Variants in ZNG1C observed in about 807,000 individuals in gnomAD.
ZNG1C encodes the protein Zn regulated GTPase metalloprotein activator 1C.
At chr9:68,249,117 G>T in the ZNG1C span, 2,696 of 612,166 alleles carry the variant, frequency 4.4e-3, 23 homozygotes, top group Non-Finnish European at 5.9e-3. Context: ...TAATAGAATT[G>T]GAAGTTTTAT....
At chr9:68,284,206 T>TG in the ZNG1C span, among the ~76,000 whole-genome samples, 3 of 149,426 alleles carry the variant, frequency 2.0e-5, no homozygotes, top group African/African-American at 7.4e-5. Flanking sequence ...TTCTCCTACT[T>TG]GGCCTCTCAA....
the ZNG1C span, among the ~76,000 whole-genome samples, chr9:68,276,506 T>C: frequency 6.8e-6 from 1 of 146,650 alleles, no homozygotes; most frequent in Admixed American, 6.9e-5. Flanking sequence ...GGGATCCAGT[T>C]TCAGCTTTCG....
chr9:68,265,010 C>A, the ZNG1C span, among the ~76,000 whole-genome samples: 1 of 104,442 alleles, frequency 9.6e-6, no homozygotes, highest in East Asian at 2.3e-4. Flanking sequence ...CACCCGCCAC[C>A]ATGCCCAGCT....
the ZNG1C span, among the ~76,000 whole-genome samples, chr9:68,291,745 T>A: frequency 6.6e-6 from 1 of 151,890 alleles, no homozygotes; most frequent in African/African-American, 2.4e-5. Flanking sequence ...TTCCTATTAC[T>A]ACTAACAGTG....
chr9:68,247,597 T>G, the ZNG1C span: 2 of 1,488,438 alleles, frequency 1.3e-6, no homozygotes, highest in East Asian at 2.4e-5. Flanking sequence ...AGAGTGCTGT[T>G]TGTTATTTAT....
chr9:68,247,497 A>G, the ZNG1C span: 44 of 1,595,478 alleles, frequency 2.8e-5, no homozygotes, highest in South Asian at 1.0e-4. Flanking sequence ...GTGAAAGAAT[A>G]TAAGTTATAA....
chr9:68,288,429 G>T, the ZNG1C span, among the ~76,000 whole-genome samples: 1 of 152,240 alleles, frequency 6.6e-6, no homozygotes, highest in South Asian at 2.1e-4. Flanking sequence ...TAATTTTAGT[G>T]TACAATTCAA....
the ZNG1C span, among the ~76,000 whole-genome samples, chr9:68,276,019 C>T: frequency 6.6e-6 from 1 of 152,062 alleles, no homozygotes; most frequent in Non-Finnish European, 1.5e-5. Context: ...GATAGTATCT[C>T]ATTGTGGTTT....
the ZNG1C span, chr9:68,274,985 TCCCCATAG>T: frequency 1.5e-5 from 1 of 68,238 alleles, no homozygotes; most frequent in African/African-American, 7.8e-5. Flanking sequence ...GTACCTTTTT[TCCCCATAG>T]TTAACAGGAA....
chr9:68,256,706 C>T, the ZNG1C span, among the ~76,000 whole-genome samples: 4 of 133,962 alleles, frequency 3.0e-5, no homozygotes, highest in Non-Finnish European at 6.3e-5. Flanking sequence ...AAGGAAATAA[C>T]GAGAGATGGA....
chr9:68,285,741 C>G, the ZNG1C span: 2 of 517,406 alleles, frequency 3.9e-6, no homozygotes, highest in African/African-American at 1.9e-5. Context: ...TGCTAAAAGA[C>G]TAGTTTTTCT....
the ZNG1C span, among the ~76,000 whole-genome samples, chr9:68,264,821 T>TTTCA: frequency 4.8e-4 from 12 of 24,958 alleles, no homozygotes; most frequent in African/African-American, 1.6e-3. Context: ...GGATTGAAGA[T>TTTCA]TATATATATA....
At chr9:68,292,428 T>TA in the ZNG1C span, among the ~76,000 whole-genome samples, 12 of 54,384 alleles carry the variant, frequency 2.2e-4, no homozygotes, top group East Asian at 1.3e-3. Flanking sequence ...TATATATATA[T>TA]AAAAAAGATA....
chr9:68,258,245 T>C, the ZNG1C span, among the ~76,000 whole-genome samples: 9 of 25,684 alleles, frequency 3.5e-4, no homozygotes, highest in East Asian at 8.8e-4. Flanking sequence ...GCTTTTTCAG[T>C]GCCAAGGAAA....
At chr9:68,296,973 C>G in the ZNG1C span, among the ~76,000 whole-genome samples, 168 of 150,820 alleles carry the variant, frequency 1.1e-3, no homozygotes, top group East Asian at 0.012. Context: ...TCCTATCATT[C>G]TCATCGCTAA....
chr9:68,281,323 G>A, the ZNG1C span, among the ~76,000 whole-genome samples: 1 of 152,096 alleles, frequency 6.6e-6, no homozygotes, highest in East Asian at 1.9e-4. Context: ...GGGAGCTGTA[G>A]ACCGGAGCTG....
At chr9:68,268,319 C>T in the ZNG1C span, among the ~76,000 whole-genome samples, 1 of 152,074 alleles carries the variant, frequency 6.6e-6, no homozygotes, top group Non-Finnish European at 1.5e-5. Context: ...AAGAATTTAA[C>T]AGGTACTTTT....
At chr9:68,289,376 A>G in the ZNG1C span, among the ~76,000 whole-genome samples, 1 of 150,148 alleles carries the variant, frequency 6.7e-6, no homozygotes, top group African/African-American at 2.5e-5. Flanking sequence ...CAGAAAGAAA[A>G]GAAGGGGTGA....
chr9:68,256,065 A>G, the ZNG1C span, among the ~76,000 whole-genome samples: 7 of 152,282 alleles, frequency 4.6e-5, no homozygotes, highest in Non-Finnish European at 7.3e-5. Context: ...CCGGTATTTC[A>G]TTGTTGACAC....
Sources: gnomAD v4.1 joint callset for allele counts (sites outside exome capture counted in the v4.1 genomes callset) on GRCh38, gnomAD v4.1.1 for gene constraint, MANE v1.5 for transcripts, NCBI Gene and HGNC (gene_info 2026-07-23, HGNC 2026-07-21) for gene names.